Variants in SORBS2 observed in about 807,000 individuals in gnomAD.
SORBS2 encodes sorbin and SH3 domain-containing protein 2.
SORBS2 carries 46 observed loss-of-function variants against 97.7 expected under a neutral mutation model. The observed-to-expected ratio is 0.47, with a 90% CI of 0.37 to 0.60. The LOEUF (loss-of-function observed/expected upper bound fraction) is 0.60. SORBS2 is among the 20% of genes least tolerant of loss of function. SORBS2 has a pLI of 0.00. For missense variants in SORBS2, 1,316 were observed against 1,282.3 expected (o/e 1.03, Z -0.40); for synonymous variants, 476 against 473.4 (o/e 1.01, Z -0.07).
chr4:185,876,119 T>C (rs938537233), intron 1 of SORBS2, among the ~76,000 whole-genome samples: 2 of 112,696 alleles, frequency 1.8e-5, no homozygotes, highest in Non-Finnish European at 4.5e-5. Flanking sequence ...AATTTTTTTG[T>C]TTTTTTTTGA....
intron 1 of SORBS2, among the ~76,000 whole-genome samples, chr4:185,908,219 A>G (rs2099252229): frequency 6.9e-6 from 1 of 145,506 alleles, no homozygotes; most frequent in Admixed American, 7.0e-5. Context: ...CCTGTTTTTT[A>G]TTTCATCTAT....
exon 14 of SORBS2, chr4:185,589,717 A>G (rs770709971): frequency 1.9e-6 from 3 of 1,612,788 alleles, no homozygotes; most frequent in Admixed American, 1.7e-5. Context: ...CATGACATCA[A>G]TGACATCACT....
rs114228045 is a variant in SORBS2, at chr4:185,929,148, A to G, written c.-338+27048T>C. On this transcript the variant is annotated intron_variant, in intron 1 of 20. Transcript: ENST00000284776. The stretch of plus-strand genomic sequence containing the variant: ...CTTATAACAGTGGTTTTAAAACTTT[A>G]GTTTACACAAGAATCCTATGACGAG... Among the ~76,000 whole-genome samples the G allele has an allele frequency of 7.4e-3, 1,124 of 152,284 alleles. 13 individuals carry two copies. Among genetic ancestry groups the G allele is most frequent in the African/African-American group, 0.026 (1,066 of 41,564 alleles).
chr4:185,714,531 G>C (rs184283568), intron 2 of SORBS2, among the ~76,000 whole-genome samples: 1 of 151,994 alleles, frequency 6.6e-6, no homozygotes, highest in Non-Finnish European at 1.5e-5. Context: ...ACAGCAATTA[G>C]GTATACAGGT....
At chr4:185,685,859 A>G (rs1207835668) in intron 2 of SORBS2, among the ~76,000 whole-genome samples, 1 of 152,200 alleles carries the variant, frequency 6.6e-6, no homozygotes, top group Non-Finnish European at 1.5e-5. Context: ...TATGATTCAT[A>G]TCTTTAAACT....
At chr4:185,619,494 G>A (rs541487592) in intron 8 of SORBS2, among the ~76,000 whole-genome samples, 49 of 152,270 alleles carry the variant, frequency 3.2e-4, no homozygotes, top group South Asian at 1.0e-3. Context: ...CCATCCAGCC[G>A]TCATGGCTCC....
At chr4:185,600,761 C>T (rs1428595781) in intron 12 of SORBS2, among the ~76,000 whole-genome samples, 5 of 152,134 alleles carry the variant, frequency 3.3e-5, no homozygotes, top group African/African-American at 1.2e-4. Flanking sequence ...TGGCTTAATG[C>T]CTGTCAAATT....
intron 2 of SORBS2, chr4:185,757,183 T>G (rs1466572830): frequency 2.0e-5 from 7 of 354,342 alleles, no homozygotes; most frequent in Non-Finnish European, 3.7e-5. Flanking sequence ...TTAGTCCACT[T>G]CTTTGGATCT....
In SORBS2 at chr4:185,878,931, A is replaced by G. The variant is rs535066337; in HGVS notation, c.-338+77265T>C. Among the ~76,000 whole-genome samples the G allele has an allele frequency of 1.2e-3, 178 of 152,318 alleles. 1 individual carries two copies. Among genetic ancestry groups the G allele is most frequent in the Middle Eastern group, 6.8e-3 (2 of 294 alleles). On this transcript the variant is annotated intron_variant, in intron 1 of 20. Coordinates refer to the SORBS2 transcript ENST00000284776. ...GTTAGACCAAGCTCACGTGGCTGCC[A>G]GAGCTTCCCATCAACGCAGCAGCTA...
At chr4:185,649,104 T>C (rs745404859) in intron 3 of SORBS2, among the ~76,000 whole-genome samples, 1 of 152,194 alleles carries the variant, frequency 6.6e-6, no homozygotes, top group Non-Finnish European at 1.5e-5. Context: ...CAAAAATGTC[T>C]CTTATTAATA....
At chr4:185,779,731 TTA>T (rs1294477733) in intron 1 of SORBS2, among the ~76,000 whole-genome samples, 1 of 152,196 alleles carries the variant, frequency 6.6e-6, no homozygotes, top group Non-Finnish European at 1.5e-5. Context: ...CTATAGATGT[TTA>T]GAGACCTCCC....
rs150913660 is a variant in SORBS2 at position 185,934,288 on chromosome 4, C to A, written c.-338+21908G>T. Among the ~76,000 whole-genome samples the A allele has an allele frequency of 7.2e-5, 11 of 152,344 alleles. No individual in the cohort carries two copies. The East Asian group carries it at 1.5e-3, about 21-fold the overall frequency. ...TTCAGAACCGCTCTTCATGGCGTGA[C>A]CTCTGTAAGCCCTTCAGGATAAAAC... On this transcript the variant is annotated intron_variant, in intron 1 of 20. Coordinates refer to the SORBS2 transcript ENST00000284776.
intron 1 of SORBS2, among the ~76,000 whole-genome samples, chr4:185,851,426 G>A (rs6828112): frequency 0.24 from 36,131 of 151,996 alleles, 4,704 homozygotes; most frequent in Middle Eastern, 0.35. Flanking sequence ...ATTGACTCAC[G>A]GTCATCTCTA....
intron 4 of SORBS2, among the ~76,000 whole-genome samples, chr4:185,666,972 C>T (rs960115081): frequency 5.9e-5 from 9 of 152,142 alleles, no homozygotes; most frequent in African/African-American, 2.2e-4. Flanking sequence ...AGAGGCTAAA[C>T]ATAGCGAAGG....
chr4:185,781,119 G>A (rs999364893), intron 1 of SORBS2, among the ~76,000 whole-genome samples: 2 of 151,950 alleles, frequency 1.3e-5, no homozygotes, highest in African/African-American at 2.4e-5. Flanking sequence ...TGTATTTTTA[G>A]TAGAGACGGG....
intron 1 of SORBS2, among the ~76,000 whole-genome samples, chr4:185,904,006 T>G (rs1473144505): frequency 1.3e-5 from 2 of 152,202 alleles, no homozygotes; most frequent in Non-Finnish European, 2.9e-5. Flanking sequence ...CTCTGGAAAT[T>G]TACTCTCTTG....
intron 1 of SORBS2, among the ~76,000 whole-genome samples, chr4:185,806,312 C>T (rs1214117805): frequency 6.6e-6 from 1 of 152,172 alleles, no homozygotes; most frequent in Non-Finnish European, 1.5e-5. Context: ...TCCAACATAG[C>T]CAAAATCTCA....
intron 9 of SORBS2, among the ~76,000 whole-genome samples, chr4:185,618,218 G>C (rs1014106520): frequency 1.3e-5 from 2 of 152,104 alleles, no homozygotes; most frequent in African/African-American, 2.4e-5. Context: ...CAAGCCATCT[G>C]CCTGCCTTGG....
In SORBS2 at chr4:185,834,621, T is replaced by C. The variant is rs9999591; in HGVS notation, c.-337-59255A>G. ...GATCATGAAATGAGAACTACTCTTC[T>C]TGTTTCCAAAATAGTGAATGTAAAT... is the stretch of plus-strand genomic sequence containing the variant. On this transcript the variant is annotated intron_variant, in intron 1 of 20. Coordinates refer to the SORBS2 transcript ENST00000284776. Among the ~76,000 whole-genome samples, 1,075 of 152,284 alleles carry C rather than the reference T, an allele frequency of 7.1e-3. 18 individuals carry two copies. The highest frequency in any genetic ancestry group is 0.025 in the African/African-American group (1,032 of 41,542).
Sources: allele counts gnomAD v4.1 joint callset (sites outside exome capture counted in the v4.1 genomes callset), GRCh38; gene constraint gnomAD v4.1.1; transcripts MANE v1.5; gene names NCBI Gene and HGNC (gene_info 2026-07-23, HGNC 2026-07-21).